The following MITF variants were observed in gnomAD, a reference collection of about 807,000 sequenced individuals.
MITF encodes microphthalmia-associated transcription factor.
Under a neutral mutation model 60.5 loss-of-function variants are expected in MITF, and 17 were observed. The ratio of observed to expected loss-of-function variants is 0.28; its 90% CI spans 0.19 to 0.42. The LOEUF (loss-of-function observed/expected upper bound fraction) is 0.42, where lower values mean the gene tolerates loss of function less well. MITF is among the 10% of genes least tolerant of loss of function. MITF has a pLI of 1.00. For missense variants in MITF, 622 were observed against 683.5 expected (o/e 0.91, Z 1.00); for synonymous variants, 260 against 248.5 (o/e 1.05, Z -0.43).
chr3:69,802,716 T>A (rs9829724), intron 1 of MITF, among the ~76,000 whole-genome samples: 64,580 of 130,932 alleles, frequency 0.49, 17,852 homozygotes, highest in Non-Finnish European at 0.63. Context: ...TTTTAGAGGA[T>A]GTTTGGCTCT....
At chr3:69,953,958 C>CTAG (rs2066333270) in intron 7 of MITF, among the ~76,000 whole-genome samples, 1 of 152,122 alleles carries the variant, frequency 6.6e-6, no homozygotes, top group African/African-American at 2.4e-5. Flanking sequence ...GGGAGACAAT[C>CTAG]TAGACATCAC....
At chr3:69,962,896 G>C (rs1406434010) in intron 9 of MITF, among the ~76,000 whole-genome samples, 1 of 152,114 alleles carries the variant, frequency 6.6e-6, no homozygotes, top group African/African-American at 2.4e-5. Context: ...CATAATTCTG[G>C]AGGCTAGTTG....
chr3:69,839,217 A>G (rs2063588017), intron 1 of MITF, among the ~76,000 whole-genome samples: 1 of 151,840 alleles, frequency 6.6e-6, no homozygotes, highest in African/African-American at 2.4e-5. Context: ...TTCTAACTCC[A>G]GAGAACTTTG....
chr3:69,814,933 C>A (rs1027430650), intron 1 of MITF, among the ~76,000 whole-genome samples: 1 of 152,104 alleles, frequency 6.6e-6, no homozygotes, highest in Non-Finnish European at 1.5e-5. Context: ...CTTAAGACTT[C>A]GGCTCTTCTT....
At chr3:69,802,236 G>C (rs2062933622) in intron 1 of MITF, among the ~76,000 whole-genome samples, 1 of 152,060 alleles carries the variant, frequency 6.6e-6, no homozygotes, top group African/African-American at 2.4e-5. Context: ...TATAGGCCAG[G>C]GGTGCTGCCG....
chr3:69,751,553 A>ATT (rs35447609), intron 1 of MITF, among the ~76,000 whole-genome samples: 103 of 122,818 alleles, frequency 8.4e-4, no homozygotes, highest in African/African-American at 2.3e-3. Context: ...AAGCATTTTG[A>ATT]TTTTTTTTTT....
intron 1 of MITF, among the ~76,000 whole-genome samples, chr3:69,857,633 T>C (rs2063942732): frequency 1.3e-5 from 2 of 152,144 alleles, no homozygotes; most frequent in South Asian, 4.1e-4. Context: ...GGGAATATCA[T>C]TGTAGATGGT....
At chr3:69,947,674 G>A (rs1412408072) in intron 5 of MITF, among the ~76,000 whole-genome samples, 2 of 152,104 alleles carry the variant, frequency 1.3e-5, no homozygotes, top group Admixed American at 6.6e-5. Context: ...GAGCAAAAGA[G>A]GGAGTTGTAT....
At chr3:69,806,560 A>G (rs1378915659) in intron 1 of MITF, among the ~76,000 whole-genome samples, 1 of 152,120 alleles carries the variant, frequency 6.6e-6, no homozygotes, top group African/African-American at 2.4e-5. Context: ...TAATCATAAG[A>G]TTTATGGATC....
chr3:69,805,733 A>G (rs1034337429), intron 1 of MITF, among the ~76,000 whole-genome samples: 1 of 151,876 alleles, frequency 6.6e-6, no homozygotes, highest in African/African-American at 2.4e-5. Flanking sequence ...ATCATAGCTT[A>G]CTGTAACCTC....
At chr3:69,824,610 C>T (rs951535351) in intron 1 of MITF, among the ~76,000 whole-genome samples, 1 of 152,190 alleles carries the variant, frequency 6.6e-6, no homozygotes, top group Admixed American at 6.5e-5. Context: ...CATGGCTTCT[C>T]CAGGACCTGG....
chr3:69,751,793 A>T (rs946618958), intron 1 of MITF, among the ~76,000 whole-genome samples: 1 of 152,096 alleles, frequency 6.6e-6, no homozygotes, highest in Non-Finnish European at 1.5e-5. Flanking sequence ...TGTCTCTACC[A>T]TATCTCATGT....
At chr3:69,792,612 A>C (rs2062758201) in intron 1 of MITF, among the ~76,000 whole-genome samples, 1 of 152,180 alleles carries the variant, frequency 6.6e-6, no homozygotes, top group Non-Finnish European at 1.5e-5. Flanking sequence ...ATATGTATCT[A>C]GAGAAATTTG....
chr3:69,953,825 C>T (rs1410313168), intron 7 of MITF, among the ~76,000 whole-genome samples: 2 of 151,756 alleles, frequency 1.3e-5, no homozygotes, highest in Non-Finnish European at 2.9e-5. Context: ...GGGTCATCTA[C>T]CATGTATTGC....
intron 8 of MITF, among the ~76,000 whole-genome samples, chr3:69,957,876 T>A (rs200674484): frequency 6.6e-6 from 1 of 152,146 alleles, no homozygotes; most frequent in South Asian, 2.1e-4. Flanking sequence ...TATATGGTGG[T>A]TTCCCACACC....
chr3:69,820,927 G>A (rs1403391904), intron 1 of MITF, among the ~76,000 whole-genome samples: 1 of 152,142 alleles, frequency 6.6e-6, no homozygotes, highest in African/African-American at 2.4e-5. Context: ...GTGTGTGTGT[G>A]TGTATGTGTC....
chr3:69,914,394 T>C (rs1182557562), intron 2 of MITF, among the ~76,000 whole-genome samples: 1 of 152,164 alleles, frequency 6.6e-6, no homozygotes, highest in Non-Finnish European at 1.5e-5. Flanking sequence ...AGTGCTGGGA[T>C]TACAGGCATG....
chr3:69,814,379 C>T (rs1251531852), intron 1 of MITF, among the ~76,000 whole-genome samples: 1 of 152,086 alleles, frequency 6.6e-6, no homozygotes, highest in Non-Finnish European at 1.5e-5. Flanking sequence ...CCTAGGACGG[C>T]GTGCAGTGGT....
intron 1 of MITF, among the ~76,000 whole-genome samples, chr3:69,864,724 G>A (rs2064080491): frequency 6.6e-6 from 1 of 151,972 alleles, no homozygotes; most frequent in Non-Finnish European, 1.5e-5. Context: ...TCTGGTCCTG[G>A]TCACTGTGTA....
Sources: gnomAD v4.1 joint callset for allele counts (sites outside exome capture counted in the v4.1 genomes callset) on GRCh38, gnomAD v4.1.1 for gene constraint, MANE v1.5 for transcripts, NCBI Gene and HGNC (gene_info 2026-07-23, HGNC 2026-07-21) for gene names.